The following CADM2 variants were observed in gnomAD, a reference collection of about 807,000 sequenced individuals.
CADM2 encodes the protein immunoglobulin superfamily member 4D.
A neutral mutation model predicts 49.8 loss-of-function variants in CADM2; 12 were observed. That is an observed-to-expected ratio of 0.24 (90% CI 0.15 to 0.39). The LOEUF (loss-of-function observed/expected upper bound fraction) is 0.39, where lower values mean the gene tolerates loss of function less well. CADM2 is among the 10% of genes least tolerant of loss of function. CADM2 has a pLI of 1.00. For synonymous variants in CADM2, 214 were observed against 175.4 expected, an observed-to-expected ratio of 1.22 and a Z score of -1.74; for missense variants, 378 against 492.3, an observed-to-expected ratio of 0.77 and a Z score of 2.20.
chr3:85,373,865 G>A (rs1002962395), intron 1 of CADM2, among the ~76,000 whole-genome samples: 3 of 152,092 alleles, frequency 2.0e-5, no homozygotes, highest in South Asian at 2.1e-4. Context: ...TCCCCAGACT[G>A]TACAAAGCAG....
intron 3 of CADM2, among the ~76,000 whole-genome samples, chr3:85,818,124 C>T (rs191556554): frequency 2.1e-4 from 32 of 151,830 alleles, no homozygotes; most frequent in African/African-American, 7.0e-4. Flanking sequence ...AAGCAAAGAC[C>T]CTGTGTTCTT....
chr3:85,827,013 C>A (rs748169448), intron 3 of CADM2, among the ~76,000 whole-genome samples: 6 of 151,748 alleles, frequency 4.0e-5, no homozygotes, highest in Non-Finnish European at 7.4e-5. Flanking sequence ...GTAGAAAATT[C>A]TAATTTTACT....
chr3:85,333,527 T>C (rs1033834234), intron 1 of CADM2, among the ~76,000 whole-genome samples: 4 of 151,950 alleles, frequency 2.6e-5, no homozygotes, highest in Middle Eastern at 3.4e-3. Context: ...GGTTGAGTAA[T>C]TATTGTCATC....
At chr3:85,726,820 A>G (rs1185682250) in intron 2 of CADM2, among the ~76,000 whole-genome samples, 1 of 151,992 alleles carries the variant, frequency 6.6e-6, no homozygotes, top group South Asian at 2.1e-4. Flanking sequence ...CTTTTTTTGC[A>G]CTAACATTTT....
At chr3:85,292,868 C>G (rs1295013884) in intron 1 of CADM2, among the ~76,000 whole-genome samples, 3 of 151,936 alleles carry the variant, frequency 2.0e-5, no homozygotes, top group Non-Finnish European at 2.9e-5. Context: ...CCTAACATCA[C>G]AATTAAAAGA....
intron 3 of CADM2, among the ~76,000 whole-genome samples, chr3:85,831,750 AG>A (rs768606495): frequency 7.2e-5 from 11 of 151,948 alleles, no homozygotes; most frequent in Non-Finnish European, 1.3e-4. Context: ...TCAAATGCAT[AG>A]TTTGTGACTA....
At chr3:86,058,053 T>A (rs760557078) in intron 8 of CADM2, among the ~76,000 whole-genome samples, 24 of 152,282 alleles carry the variant, frequency 1.6e-4, no homozygotes, top group Non-Finnish European at 3.1e-4. Flanking sequence ...TTGAAAAAAA[T>A]TGCAATATAT....
In CADM2 at chr3:86,072,842, G is replaced by T. The variant is rs1318601114; in HGVS notation, c.*6059G>T. Reference sequence around the variant, plus strand: ...CTTTTCTCTGTGTTTTTAATGTATGGAATAAATCTCATAAATAGAAAGAAA... The same window carrying T: ...CTTTTCTCTGTGTTTTTAATGTATGTAATAAATCTCATAAATAGAAAGAAA... On this transcript the variant is annotated 3_prime_UTR_variant, in exon 10 of 10. Coordinates refer to ENST00000383699, the MANE Select transcript of CADM2 (RefSeq NM_001167675.2). 1 of 151,780 alleles carries T rather than the reference G, an allele frequency of 6.6e-6. No homozygotes were observed. The highest frequency in any genetic ancestry group is 1.5e-5 in the Non-Finnish European group (1 of 67,904). 9.4% of individuals were successfully genotyped at this position (151,780 alleles called of 1,614,324 possible).
chr3:85,330,447 A>G (rs1023168508), intron 1 of CADM2, among the ~76,000 whole-genome samples: 3 of 152,174 alleles, frequency 2.0e-5, no homozygotes, highest in African/African-American at 4.8e-5. Context: ...AAGGGCAGAT[A>G]CAGTTTAAAT....
At chr3:85,236,649 T>C (rs138989671) in intron 1 of CADM2, among the ~76,000 whole-genome samples, 1 of 152,150 alleles carries the variant, frequency 6.6e-6, no homozygotes, top group African/African-American at 2.4e-5. Context: ...TTTGGTGACA[T>C]GTGAATGAAA....
intron 1 of CADM2, among the ~76,000 whole-genome samples, chr3:85,613,324 C>A (rs1214237633): frequency 1.3e-5 from 2 of 151,266 alleles, no homozygotes; most frequent in African/African-American, 2.4e-5. Context: ...AAACATACAG[C>A]TTTAATAAAT....
intron 1 of CADM2, among the ~76,000 whole-genome samples, chr3:85,593,283 C>G (rs188997859): frequency 6.6e-6 from 1 of 151,884 alleles, no homozygotes; most frequent in African/African-American, 2.4e-5. Flanking sequence ...CCCATTAACT[C>G]GTCATCTAGC....
At chr3:85,478,720 C>T (rs944166551) in intron 1 of CADM2, among the ~76,000 whole-genome samples, 1 of 151,526 alleles carries the variant, frequency 6.6e-6, no homozygotes, top group East Asian at 1.9e-4. Context: ...TGAAATCTGG[C>T]GAATTTTAGA....
chr3:85,408,890 C>G (rs951711060), intron 1 of CADM2, among the ~76,000 whole-genome samples: 1 of 152,020 alleles, frequency 6.6e-6, no homozygotes, highest in South Asian at 2.1e-4. Context: ...AATATTAAAG[C>G]CAATGTGTCA....
At chr3:85,612,426 TTTTTATA>T (rs1472170942) in intron 1 of CADM2, among the ~76,000 whole-genome samples, 1 of 151,842 alleles carries the variant, frequency 6.6e-6, no homozygotes, top group East Asian at 1.9e-4. Context: ...AATAGTTGTA[TTTTTATA>T]TTTTATTGTT....
At chr3:85,773,647 A>C (rs953458686) in intron 2 of CADM2, among the ~76,000 whole-genome samples, 8 of 152,120 alleles carry the variant, frequency 5.3e-5, no homozygotes, top group African/African-American at 1.9e-4. Context: ...GCACATTTAC[A>C]TCTGAAATAA....
chr3:85,558,095 A>T (rs1322533904), intron 1 of CADM2, among the ~76,000 whole-genome samples: 1 of 151,826 alleles, frequency 6.6e-6, no homozygotes, highest in Admixed American at 6.6e-5. Context: ...CACTTCCTTG[A>T]TGTGTGTGAG....
In CADM2 at chr3:85,813,055, G is replaced by T. The variant is rs2072981892; in HGVS notation, c.238+10859G>T. 2.6e-5 allele frequency among the ~76,000 whole-genome samples: 4 copies of T among 152,204 alleles called. No individual in the cohort carries two copies. The South Asian group carries it at 6.2e-4, about 24-fold the overall frequency. The stretch of plus-strand genomic sequence containing the variant: ...AGTAGAATAATTTATAATCCTTTGG[G>T]TATATACTCAGTAATGGGATTGCTA... On this transcript the variant is annotated intron_variant, in intron 3 of 9. Transcript: ENST00000383699.
intron 3 of CADM2, among the ~76,000 whole-genome samples, chr3:85,817,092 G>T (rs980114326): frequency 3.3e-5 from 5 of 152,124 alleles, no homozygotes; most frequent in African/African-American, 4.8e-5. Context: ...AGCCACCCTT[G>T]GAAACAGCAG....
Sources: gnomAD v4.1 joint callset for allele counts (sites outside exome capture counted in the v4.1 genomes callset) on GRCh38, gnomAD v4.1.1 for gene constraint, MANE v1.5 for transcripts, NCBI Gene and HGNC (gene_info 2026-07-23, HGNC 2026-07-21) for gene names.